Variants in NLGN1 observed in about 807,000 individuals in gnomAD.
NLGN1 encodes neuroligin-1.
Under a neutral mutation model 65.5 loss-of-function variants are expected in NLGN1, and 12 were observed. The ratio of observed to expected loss-of-function variants is 0.18; its 90% CI spans 0.12 to 0.30. The LOEUF (loss-of-function observed/expected upper bound fraction) is 0.30. Among genes scored for constraint, NLGN1 ranks in the 10% least tolerant of loss-of-function variants. The probability of loss-of-function intolerance (pLI) is 1.00; values close to 1 mark genes in which losing one functional copy is unlikely to be tolerated. For missense variants in NLGN1, 750 were observed against 1,007.1 expected (o/e 0.74, Z 3.46); for synonymous variants, 350 against 359.5 (o/e 0.97, Z 0.30).
chr3:173,618,938 T>C (rs916816932), intron 3 of NLGN1, among the ~76,000 whole-genome samples: 1 of 152,120 alleles, frequency 6.6e-6, no homozygotes, highest in Non-Finnish European at 1.5e-5. Context: ...AGGGCTGGCT[T>C]CATGGGCTGG....
At chr3:174,284,929 A>G (rs1486385991) in exon 7 of NLGN1, 1 of 151,392 alleles carries the variant, frequency 6.6e-6, no homozygotes, top group East Asian at 1.9e-4. Context: ...CATTTTTTTA[A>G]AAATTATCAA....
At chr3:173,526,931 C>T (rs985305645) in intron 2 of NLGN1, among the ~76,000 whole-genome samples, 14 of 152,308 alleles carry the variant, frequency 9.2e-5, no homozygotes, top group African/African-American at 2.9e-4. Flanking sequence ...GGATCTCATT[C>T]GTTTTTATGG....
At chr3:173,928,824 C>T (rs1368054443) in intron 4 of NLGN1, among the ~76,000 whole-genome samples, 1 of 151,844 alleles carries the variant, frequency 6.6e-6, no homozygotes, top group Non-Finnish European at 1.5e-5. Flanking sequence ...CATGTGCCAC[C>T]ATGTCTGGCT....
At chr3:173,601,267 A>T (rs1481934472) in intron 2 of NLGN1, among the ~76,000 whole-genome samples, 2 of 152,020 alleles carry the variant, frequency 1.3e-5, no homozygotes, top group Admixed American at 1.3e-4. Flanking sequence ...AGGGAATTCA[A>T]ATACTAAAGT....
chr3:174,157,705 G>C (rs1363726417), intron 4 of NLGN1, among the ~76,000 whole-genome samples: 1 of 151,716 alleles, frequency 6.6e-6, no homozygotes, highest in Non-Finnish European at 1.5e-5. Flanking sequence ...TTCGTCTGCT[G>C]GAAATAGATT....
intron 4 of NLGN1, among the ~76,000 whole-genome samples, chr3:174,167,400 C>G (rs1194590368): frequency 2.0e-5 from 3 of 152,014 alleles, no homozygotes; most frequent in African/African-American, 7.2e-5. Context: ...GCAACAAATT[C>G]CCTTAGAGCT....
At chr3:173,569,156 C>T (rs542194662) in intron 2 of NLGN1, among the ~76,000 whole-genome samples, 1 of 152,246 alleles carries the variant, frequency 6.6e-6, no homozygotes, top group Admixed American at 6.5e-5. Context: ...GAACATTAGG[C>T]ACAATTTGAA....
At chr3:173,705,552 T>C (rs993589337) in intron 3 of NLGN1, among the ~76,000 whole-genome samples, 14 of 152,122 alleles carry the variant, frequency 9.2e-5, no homozygotes, top group Non-Finnish European at 1.8e-4. Context: ...GTGTAAGAAA[T>C]TGGCTAATTA....
chr3:173,692,578 T>G (rs937564008), intron 3 of NLGN1, among the ~76,000 whole-genome samples: 3 of 152,186 alleles, frequency 2.0e-5, no homozygotes, highest in African/African-American at 4.8e-5. Context: ...CTGCAGTGGG[T>G]GATGAAAATC....
chr3:173,736,951 G>A (rs113985047), intron 3 of NLGN1, among the ~76,000 whole-genome samples: 2,598 of 152,120 alleles, frequency 0.017, 84 homozygotes, highest in African/African-American at 0.06. Context: ...AATGGTGGCA[G>A]TAAATCAGAG....
rs376468517 is a variant in NLGN1, at chr3:173,625,356, G to A, written c.493+20265G>A. Among the ~76,000 whole-genome samples the A allele has an allele frequency of 3.1e-3, 474 of 152,062 alleles. 3 individuals carry two copies. The highest frequency in any genetic ancestry group is 0.011 in the African/African-American group (457 of 41,468). On this transcript the variant is annotated intron_variant, in intron 3 of 6. Coordinates refer to ENST00000457714, the Ensembl canonical transcript of NLGN1. ...TTCCTGTCCCCTCCCCCCAGCACAC[G>A]TACCACCACTACCACCATCCTGGTA...
rs1244406787 is a variant in NLGN1 at position 173,600,696 on chromosome 3, T to C, written c.-320-3583T>C. ...TCATCATGTATTTATTGAACACATG[T>C]CACATTTCATCTTGCATTAGAGTAA... On this transcript the variant is annotated intron_variant, in intron 2 of 6. Transcript: ENST00000457714. Among the ~76,000 whole-genome samples, 3 of 151,260 alleles carry C rather than the reference T, an allele frequency of 2.0e-5. No individual in the cohort carries two copies. In the East Asian group the frequency reaches 5.9e-4, roughly 30 times the overall value.
chr3:173,582,939 A>G (rs1363998132), intron 2 of NLGN1, among the ~76,000 whole-genome samples: 3 of 152,128 alleles, frequency 2.0e-5, no homozygotes, highest in South Asian at 2.1e-4. Context: ...TGAAGTTGCA[A>G]TCTTGTATTA....
intron 3 of NLGN1, among the ~76,000 whole-genome samples, chr3:173,718,788 C>T (rs1426594043): frequency 1.3e-5 from 2 of 152,040 alleles, no homozygotes; most frequent in Non-Finnish European, 2.9e-5. Context: ...CATGTAATAA[C>T]TTTTTAAAGA....
At chr3:173,556,499 A>G (rs1415631978) in intron 2 of NLGN1, among the ~76,000 whole-genome samples, 1 of 152,048 alleles carries the variant, frequency 6.6e-6, no homozygotes, top group Non-Finnish European at 1.5e-5. Context: ...TTCTAAATAT[A>G]TGGATGTGTT....
At chr3:173,480,692 ATAGCTTT>A (rs1339345478) in intron 2 of NLGN1, among the ~76,000 whole-genome samples, 1 of 152,090 alleles carries the variant, frequency 6.6e-6, no homozygotes, top group Non-Finnish European at 1.5e-5. Flanking sequence ...CAACTAGGTG[ATAGCTTT>A]AGCTTTTTAA....
intron 4 of NLGN1, among the ~76,000 whole-genome samples, chr3:174,165,736 A>G (rs1172238374): frequency 1.3e-5 from 2 of 151,712 alleles, no homozygotes; most frequent in African/African-American, 4.8e-5. Flanking sequence ...AGGAGACTCT[A>G]CTCCTCAAGT....
At chr3:174,143,026 C>T (rs1228784810) in intron 4 of NLGN1, among the ~76,000 whole-genome samples, 1 of 152,056 alleles carries the variant, frequency 6.6e-6, no homozygotes, top group East Asian at 1.9e-4. Flanking sequence ...AGGTCTCAGA[C>T]TGTTTGAAAC....
chr3:173,783,880 G>C (rs1707751474), intron 3 of NLGN1, among the ~76,000 whole-genome samples: 1 of 152,116 alleles, frequency 6.6e-6, no homozygotes, highest in Admixed American at 6.5e-5. Context: ...CTCCCAAAGT[G>C]CTAGGATTAC....
Sources: allele counts gnomAD v4.1 joint callset (sites outside exome capture counted in the v4.1 genomes callset), GRCh38; gene constraint gnomAD v4.1.1; transcripts MANE v1.5; gene names NCBI Gene and HGNC (gene_info 2026-07-23, HGNC 2026-07-21).